Variants in COL24A1 observed in about 807,000 individuals in gnomAD.
The protein encoded by COL24A1 is collagen alpha-1(XXIV) chain.
Under a neutral mutation model 253.9 loss-of-function variants are expected in COL24A1, and 224 were observed. The ratio of observed to expected loss-of-function variants is 0.88; its 90% CI spans 0.79 to 0.99. The LOEUF (loss-of-function observed/expected upper bound fraction) is 0.99. Ranked by LOEUF, COL24A1 falls within the 50% of genes least tolerant of loss-of-function variation. The pLI, the probability that COL24A1 is intolerant of heterozygous loss-of-function variation, is 0.00. For synonymous variants in COL24A1, 685 were observed against 673.7 expected (o/e 1.02, Z -0.26); for missense variants, 2,131 against 2,068.5 (o/e 1.03, Z -0.59).
At chr1:86,001,443 G>C (rs561411317) in intron 19 of COL24A1, among the ~76,000 whole-genome samples, 1 of 152,196 alleles carries the variant, frequency 6.6e-6, no homozygotes, top group Non-Finnish European at 1.5e-5. Flanking sequence ...GCATGGTATG[G>C]TTAAGTTGAG....
At chr1:85,823,385 T>A in intron 45 of COL24A1, 151 bp downstream of exon 45, 1 of 689,884 alleles carries the variant, frequency 1.4e-6, no homozygotes, top group African/African-American at 1.8e-5. Context: ...GCACAATTAT[T>A]GAAAAACACC....
rs554177063 is a variant in COL24A1 at position 85,971,305 on chromosome 1, T to C, written c.2418+35A>G. 6.0e-5 allele frequency: 95 copies of C among 1,590,910 alleles called. 2 individuals carry two copies. The South Asian group carries it at 1.0e-3, about 17-fold the overall frequency. On this transcript the variant is annotated intron_variant, in intron 21 of 59. Coordinates refer to ENST00000370571, the MANE Select transcript of COL24A1 (RefSeq NM_152890.7). ...AAAGGGAAAATTTTAACTAAAAACC[T>C]TGCTGAAGCTGACTGGATATCACTT... is the stretch of plus-strand genomic sequence containing the variant.
At position 85,875,716 on chromosome 1, in the gene COL24A1, GACACACACACACACACAC is replaced by G. The variant is rs141827930; in HGVS notation, c.3031-404_3031-387del. ...AGATAAATTTATTCACATTATAAAAGACACACACACACACACACACACACACACACACACACACACACA... is the reference window on the plus strand; with the variant it reads ...AGATAAATTTATTCACATTATAAAAGACACACACACACACACACACACACA... On this transcript the variant is annotated intron_variant, in intron 33 of 59. Coordinates refer to ENST00000370571, the MANE Select transcript of COL24A1 (RefSeq NM_152890.7). 2.5e-3 allele frequency among the ~76,000 whole-genome samples: 350 copies of G among 141,106 alleles called. 8 individuals carry two copies. The highest frequency in any genetic ancestry group is 0.016 in the South Asian group (72 of 4,390). The allele number at this position is 141,106 out of a possible 152,430, so 92.6% of individuals were successfully genotyped here.
intron 5 of COL24A1, among the ~76,000 whole-genome samples, chr1:86,105,092 T>C (rs1410284651): frequency 6.6e-6 from 1 of 152,074 alleles, no homozygotes; most frequent in Non-Finnish European, 1.5e-5. Context: ...CTGTTCTTTG[T>C]GCCTAGTTTC....
At chr1:85,760,062 T>C (rs1198963727) in intron 55 of COL24A1, among the ~76,000 whole-genome samples, 1 of 5,288 alleles carries the variant, frequency 1.9e-4, no homozygotes, top group Admixed American at 3.0e-3. Context: ...GACATTGTTT[T>C]TTTTTTTTTT....
chr1:85,830,354 C>T (rs1570805571), intron 43 of COL24A1, among the ~76,000 whole-genome samples: 1 of 152,128 alleles, frequency 6.6e-6, no homozygotes, highest in South Asian at 2.1e-4. Context: ...TTTAAGTCTG[C>T]AGGGTTACTG....
chr1:86,000,607 C>A (rs1458545103), intron 19 of COL24A1, among the ~76,000 whole-genome samples: 1 of 152,164 alleles, frequency 6.6e-6, no homozygotes, highest in Admixed American at 6.5e-5. Flanking sequence ...CCAGTTAAGT[C>A]CACTGAAGTA....
chr1:85,968,137 T>C (rs1009635474), intron 22 of COL24A1, among the ~76,000 whole-genome samples: 6 of 152,152 alleles, frequency 3.9e-5, no homozygotes, highest in Admixed American at 2.0e-4. Flanking sequence ...AGACTGGTTC[T>C]CCTTGCTCCT....
rs1159263434 is a variant in COL24A1 at position 86,018,572 on chromosome 1, CA to C, written c.2257-1369del. Among the ~76,000 whole-genome samples, 5 of 152,290 alleles carry C rather than the reference CA, an allele frequency of 3.3e-5. No individual in the cohort carries two copies. In the East Asian group the frequency reaches 9.6e-4, roughly 29 times the overall value. The stretch of plus-strand genomic sequence containing the variant: ...TAGCAATACCCTAGGGCTTTGTTTT[CA>C]GAAAAGCTGATTGACAATCACATAT... On this transcript the variant is annotated intron_variant, in intron 18 of 59. Transcript: ENST00000370571.
intron 20 of COL24A1, among the ~76,000 whole-genome samples, chr1:85,985,322 G>C (rs149938175): frequency 7.7e-4 from 117 of 151,808 alleles, no homozygotes; most frequent in African/African-American, 2.7e-3. Context: ...AGTATGGCAT[G>C]GTTTGGCACT....
At chr1:86,060,588 T>C (rs1039510954) in intron 8 of COL24A1, among the ~76,000 whole-genome samples, 1 of 152,096 alleles carries the variant, frequency 6.6e-6, no homozygotes, top group Non-Finnish European at 1.5e-5. Context: ...CATCTCTCAC[T>C]TTTTTCCCTC....
intron 31 of COL24A1, among the ~76,000 whole-genome samples, chr1:85,895,134 A>G (rs1271658413): frequency 2.0e-5 from 3 of 152,140 alleles, no homozygotes; most frequent in Non-Finnish European, 4.4e-5. Flanking sequence ...TTACATGTCT[A>G]TGTGTAAGTA....
chr1:86,093,016 C>A (rs1374535660), intron 5 of COL24A1, among the ~76,000 whole-genome samples: 1 of 151,812 alleles, frequency 6.6e-6, no homozygotes, highest in African/African-American at 2.4e-5. Flanking sequence ...AATATAGGGG[C>A]CACAATGGAG....
At chr1:85,848,306 C>A (rs1273451241) in intron 38 of COL24A1, among the ~76,000 whole-genome samples, 1 of 152,050 alleles carries the variant, frequency 6.6e-6, no homozygotes, top group African/African-American at 2.4e-5. Flanking sequence ...ACTGACCTTT[C>A]TTTTTTGTTG....
chr1:85,912,228 A>G (rs1409410492), intron 24 of COL24A1, among the ~76,000 whole-genome samples: 1 of 152,106 alleles, frequency 6.6e-6, no homozygotes, highest in East Asian at 1.9e-4. Flanking sequence ...TTGATTTGCT[A>G]GAAGATGTTA....
intron 24 of COL24A1, among the ~76,000 whole-genome samples, chr1:85,919,419 C>G (rs540298084): frequency 6.6e-6 from 1 of 152,218 alleles, no homozygotes; most frequent in Non-Finnish European, 1.5e-5. Flanking sequence ...TGGCTCATGC[C>G]TGTAATCCCA....
intron 33 of COL24A1, among the ~76,000 whole-genome samples, chr1:85,876,862 C>T (rs933724749): frequency 3.3e-5 from 5 of 152,146 alleles, no homozygotes; most frequent in Non-Finnish European, 5.9e-5. Context: ...ATCAAGTCAA[C>T]TTTAAATCAG....
rs1317481113 is a variant in COL24A1, at chr1:85,779,028, T to C, written c.4338+2192A>G. On this transcript the variant is annotated intron_variant, in intron 52 of 59. Transcript: ENST00000370571. Reference sequence around the variant, plus strand: ...CTTCTTTTTTCCTTTTTTAAAGAGATGGGGTCTCACTCTGTTTGCGCAGGC... The same window carrying C: ...CTTCTTTTTTCCTTTTTTAAAGAGACGGGGTCTCACTCTGTTTGCGCAGGC... 5.3e-5 allele frequency among the ~76,000 whole-genome samples: 8 copies of C among 152,068 alleles called. 1 individual carries two copies. The South Asian group carries it at 1.2e-3, about 24-fold the overall frequency.
chr1:86,155,864 G>T (rs4656132), intron 1 of COL24A1: 85,443 of 154,216 alleles, frequency 0.55, 24,025 homozygotes, highest in Non-Finnish European at 0.62. Flanking sequence ...GAGTCCAGTG[G>T]TCCAGGCTGC....
Sources: gnomAD v4.1 joint callset for allele counts (sites outside exome capture counted in the v4.1 genomes callset) on GRCh38, gnomAD v4.1.1 for gene constraint, MANE v1.5 for transcripts, NCBI Gene and HGNC (gene_info 2026-07-23, HGNC 2026-07-21) for gene names.